Variants in DOCK2 observed in about 807,000 individuals in gnomAD.
DOCK2 encodes the protein dedicator of cytokinesis protein 2.
In DOCK2, 87 loss-of-function variants were observed where a neutral mutation model predicts 248.9. That is an observed-to-expected ratio of 0.35 (90% CI 0.29 to 0.42). DOCK2 has a LOEUF of 0.42. DOCK2 is among the 10% of genes least tolerant of loss of function. The pLI is 1.00. For missense variants in DOCK2, 1,747 were observed against 2,300.2 expected (o/e 0.76, Z 4.92); for synonymous variants, 805 against 821.6 (o/e 0.98, Z 0.35).
At chr5:169,845,382 T>G (rs956796721) in intron 27 of DOCK2, among the ~76,000 whole-genome samples, 1 of 152,060 alleles carries the variant, frequency 6.6e-6, no homozygotes, top group Non-Finnish European at 1.5e-5. Context: ...ATTCTCTATT[T>G]GTAGGCTCTC....
intron 1 of DOCK2, among the ~76,000 whole-genome samples, chr5:169,649,594 T>A (rs1321110647): frequency 6.6e-6 from 1 of 152,114 alleles, no homozygotes; most frequent in Non-Finnish European, 1.5e-5. Context: ...ACAAGCCCAG[T>A]GTATGTGTAA....
At chr5:169,978,952 A>G (rs1452876043) in intron 27 of DOCK2, among the ~76,000 whole-genome samples, 1 of 152,170 alleles carries the variant, frequency 6.6e-6, no homozygotes, top group Non-Finnish European at 1.5e-5. Context: ...AGAGTCTCAG[A>G]TACAATTTCT....
intron 27 of DOCK2, among the ~76,000 whole-genome samples, chr5:169,843,447 G>C (rs1008340560): frequency 6.6e-5 from 10 of 152,158 alleles, no homozygotes; most frequent in African/African-American, 2.2e-4. Flanking sequence ...GCATGAACCC[G>C]GGAGGCAGAG....
At chr5:169,932,865 TA>T (rs34887864) in intron 27 of DOCK2, among the ~76,000 whole-genome samples, 10 of 151,018 alleles carry the variant, frequency 6.6e-5, no homozygotes, top group Admixed American at 2.0e-4. Context: ...CAGGGCCAAA[TA>T]AAAAAAAATA....
At chr5:169,875,236 G>A (rs969353880) in intron 27 of DOCK2, 3 of 456,530 alleles carry the variant, frequency 6.6e-6, no homozygotes, top group Admixed American at 4.7e-5. Context: ...GGAGCTTGCT[G>A]CAACTGCGGA....
At chr5:169,830,737 T>A (rs1435507064) in intron 26 of DOCK2, among the ~76,000 whole-genome samples, 1 of 152,262 alleles carries the variant, frequency 6.6e-6, no homozygotes, top group East Asian at 1.9e-4. Context: ...CTTATTTAGC[T>A]GGTTTCATAG....
chr5:169,883,432 T>G, intron 27 of DOCK2: 2 of 1,551,686 alleles, frequency 1.3e-6, no homozygotes, highest in South Asian at 2.4e-5. Flanking sequence ...ATCCTCAAGA[T>G]GCTGAGCCAA....
At chr5:169,907,136 T>A (rs1774327261) in intron 27 of DOCK2, among the ~76,000 whole-genome samples, 3 of 152,170 alleles carry the variant, frequency 2.0e-5, no homozygotes, top group Non-Finnish European at 4.4e-5. Flanking sequence ...TGGCCGGGGA[T>A]GCATCTGGGA....
chr5:170,069,244 G>A (rs1258265579), intron 46 of DOCK2, 24 bp downstream of exon 46: 1 of 1,611,152 alleles, frequency 6.2e-7, no homozygotes, highest in Non-Finnish European at 8.5e-7. Context: ...GGCCAGGGGA[G>A]CATGCTGCTC....
chr5:169,774,976 T>G (rs1378055877), intron 25 of DOCK2, among the ~76,000 whole-genome samples: 1 of 152,102 alleles, frequency 6.6e-6, no homozygotes, highest in African/African-American at 2.4e-5. Context: ...TGGCACAATC[T>G]TGGCTCACCG....
chr5:169,721,437 T>C (rs529481341), intron 22 of DOCK2, among the ~76,000 whole-genome samples: 40 of 152,316 alleles, frequency 2.6e-4, no homozygotes, highest in African/African-American at 8.9e-4. Flanking sequence ...TGCTCTCCAG[T>C]GGAGTCTCTA....
chr5:169,852,947 G>A (rs924460558), intron 27 of DOCK2, among the ~76,000 whole-genome samples: 3 of 152,198 alleles, frequency 2.0e-5, no homozygotes, highest in South Asian at 4.1e-4. Context: ...TTGAGGGTCT[G>A]ACAATTCCTG....
At chr5:169,873,743 T>A (rs998633131) in intron 27 of DOCK2, among the ~76,000 whole-genome samples, 1 of 152,212 alleles carries the variant, frequency 6.6e-6, no homozygotes, top group East Asian at 1.9e-4. Context: ...GGTAATAGCT[T>A]TGAGTGGCAG....
chr5:170,074,198 T>C (rs1757769322), intron 46 of DOCK2, among the ~76,000 whole-genome samples: 1 of 152,174 alleles, frequency 6.6e-6, no homozygotes, highest in Non-Finnish European at 1.5e-5. Flanking sequence ...TTCCTATATA[T>C]TAGTTAAATT....
chr5:169,696,024 G>A (rs1760602520), intron 10 of DOCK2, 86 bp downstream of exon 10: 31 of 1,457,498 alleles, frequency 2.1e-5, no homozygotes, highest in Middle Eastern at 2.5e-4. Flanking sequence ...TTTCCCAACC[G>A]CCTCCTGCTG....
chr5:169,774,346 T>G (rs1177671849), intron 25 of DOCK2, among the ~76,000 whole-genome samples: 1 of 152,142 alleles, frequency 6.6e-6, no homozygotes, highest in Non-Finnish European at 1.5e-5. Flanking sequence ...AATTAACTAG[T>G]TTAATTATCA....
At chr5:170,002,357 T>C (rs1754867238) in intron 30 of DOCK2, among the ~76,000 whole-genome samples, 1 of 152,184 alleles carries the variant, frequency 6.6e-6, no homozygotes, top group South Asian at 2.1e-4. Context: ...GATCTGTATA[T>C]GCTAATATAG....
At chr5:169,989,220 G>C (rs1243627602) in intron 29 of DOCK2, among the ~76,000 whole-genome samples, 1 of 152,176 alleles carries the variant, frequency 6.6e-6, no homozygotes, top group African/African-American at 2.4e-5. Context: ...TCTCCTGCAA[G>C]AAATACTTCC....
chr5:169,788,990 T>C (rs114803941), intron 25 of DOCK2, among the ~76,000 whole-genome samples: 1,661 of 152,232 alleles, frequency 0.011, 47 homozygotes, highest in African/African-American at 0.037. Context: ...TCTCCCTCCT[T>C]CTACTCTCCA....
Sources: allele counts gnomAD v4.1 joint callset (sites outside exome capture counted in the v4.1 genomes callset), GRCh38; gene constraint gnomAD v4.1.1; transcripts MANE v1.5; gene names NCBI Gene and HGNC (gene_info 2026-07-23, HGNC 2026-07-21).